TLN2: variants seen among roughly 807,000 people sequenced by gnomAD.
TLN2 encodes talin 2.
Under a neutral mutation model 294.7 loss-of-function variants are expected in TLN2, and 118 were observed. The observed-to-expected ratio is 0.40, with a 90% CI of 0.34 to 0.47. TLN2 has a LOEUF of 0.47. Ranked by LOEUF, TLN2 falls within the 20% of genes least tolerant of loss-of-function variation. The pLI is 0.84. For synonymous variants in TLN2, 1,431 were observed against 1,304.5 expected, an observed-to-expected ratio of 1.10 and a Z score of -2.09; for missense variants, 3,083 against 3,282.2, an observed-to-expected ratio of 0.94 and a Z score of 1.48.
rs138422612 is a variant in TLN2 at position 62,725,813 on chromosome 15, G to A, written c.3255+709G>A. ...ATCTGCCAGTTAGGAGCCAAACCAC[G>A]GTTTGAATTCAGATTTGCAGGACTC... On this transcript the variant is annotated intron_variant, in intron 27 of 58. Coordinates refer to ENST00000636159, the MANE Select transcript of TLN2 (RefSeq NM_015059.3). Among the ~76,000 whole-genome samples the A allele has an allele frequency of 2.4e-4, 36 of 152,268 alleles. 1 individual carries two copies. The East Asian group carries it at 6.8e-3, about 29-fold the overall frequency.
chr15:62,640,423 C>T (rs1308861806), intron 3 of TLN2: 4 of 450,144 alleles, frequency 8.9e-6, no homozygotes, highest in Middle Eastern at 5.9e-4. Context: ...CCTCCACGGC[C>T]CCATTGAGGT....
chr15:62,423,044 A>G (rs1595768132), intron 1 of TLN2, among the ~76,000 whole-genome samples: 2 of 152,292 alleles, frequency 1.3e-5, no homozygotes, highest in East Asian at 3.9e-4. Context: ...CAGGGGGAAG[A>G]GGTTATCCTG....
chr15:62,600,998 G>C (rs1241936575), intron 2 of TLN2, among the ~76,000 whole-genome samples: 3 of 152,112 alleles, frequency 2.0e-5, no homozygotes, highest in African/African-American at 7.2e-5. Flanking sequence ...ATCCAAATGA[G>C]ACTTATTCAT....
chr15:62,396,877 G>T (rs556712434), intron 1 of TLN2, among the ~76,000 whole-genome samples: 1 of 152,252 alleles, frequency 6.6e-6, no homozygotes, highest in African/African-American at 2.4e-5. Flanking sequence ...GCTAATTTTT[G>T]TGTTTTTAGT....
chr15:62,408,974 T>C (rs972324435), intron 1 of TLN2, among the ~76,000 whole-genome samples: 3 of 148,196 alleles, frequency 2.0e-5, no homozygotes, highest in Non-Finnish European at 3.0e-5. Context: ...TTTTTACTTA[T>C]TTATTTATTT....
chr15:62,788,615 A>T (rs1183079842), intron 45 of TLN2, among the ~76,000 whole-genome samples: 3 of 152,222 alleles, frequency 2.0e-5, no homozygotes, highest in Admixed American at 1.3e-4. Context: ...AAACTGCCCA[A>T]GACCACACAA....
rs755318500 is a variant in TLN2, at chr15:62,708,616, G to A, written c.2287G>A (p.Asp763Asn). Residue 763 changes from aspartate (D) to asparagine (N), a missense_variant, in exon 21 of 59, where the codon GAT becomes AAT. By Grantham distance (23) the Asp-to-Asn change is conservative. Coordinates refer to ENST00000636159, the MANE Select transcript of TLN2 (RefSeq NM_015059.3). ...CVRACQAATT[D>N]SELLKQVSAA... ...CCGTGCCTGCCAGGCGGCCACTACC[G>A]ATAGTGAGCTCCTGAAGCAGGTCAG... The A allele has an allele frequency of 7.4e-6, 12 of 1,614,102 alleles. No individual in the cohort carries two copies. In the South Asian group the frequency reaches 7.7e-5, roughly 10 times the overall value.
intron 1 of TLN2, among the ~76,000 whole-genome samples, chr15:62,566,125 A>T (rs903854501): frequency 2.8e-4 from 42 of 152,094 alleles, no homozygotes; most frequent in African/African-American, 9.2e-4. Context: ...CAAATGTTCC[A>T]TTAGACTAGG....
Position 62,766,651 on chromosome 15 carries a change from C to T in TLN2, c.5196+229C>T, listed in dbSNP as rs144019868. On this transcript the variant is annotated intron_variant, in intron 41 of 58. Transcript: ENST00000636159. ...CTAAGTTCAGAAGAAAACTTCAGTG[C>T]AGTTTTTCTGGTTGTGGCCAGAGAT... Among the ~76,000 whole-genome samples the T allele has an allele frequency of 3.3e-3, 496 of 152,270 alleles. 4 individuals are homozygous for T. The highest frequency in any genetic ancestry group is 0.011 in the African/African-American group (445 of 41,544).
intron 1 of TLN2, among the ~76,000 whole-genome samples, chr15:62,515,726 C>A (rs1370376273): frequency 7.3e-6 from 1 of 136,518 alleles, no homozygotes; most frequent in Non-Finnish European, 1.5e-5. Context: ...TGGTGTTTTT[C>A]ACACATCTGA....
Position 62,839,000 on chromosome 15 carries a change from A to T in TLN2, c.7500+19A>T, listed in dbSNP as rs745436986. 6 of 1,612,104 alleles carry T rather than the reference A, an allele frequency of 3.7e-6. No individual in the cohort carries two copies. The highest frequency in any genetic ancestry group is 5.1e-6 in the Non-Finnish European group (6 of 1,179,286). ...TGCTCAGGTTTGTAATTAAATCAAGAATAGTATTTACTTCCCGAGAGAGGT... is the reference window on the plus strand; with the variant it reads ...TGCTCAGGTTTGTAATTAAATCAAGTATAGTATTTACTTCCCGAGAGAGGT... On this transcript the variant is annotated intron_variant, in intron 58 of 58. Transcript: ENST00000636159.
At chr15:62,817,632 T>A (rs2067218205) in intron 52 of TLN2, among the ~76,000 whole-genome samples, 1 of 152,078 alleles carries the variant, frequency 6.6e-6, no homozygotes, top group African/African-American at 2.4e-5. Flanking sequence ...TTCTTTATAG[T>A]CATGGTGCAA....
intron 50 of TLN2, among the ~76,000 whole-genome samples, chr15:62,805,342 C>T (rs934784661): frequency 6.6e-6 from 1 of 151,774 alleles, no homozygotes; most frequent in Non-Finnish European, 1.5e-5. Context: ...TGCAGACCAA[C>T]AGGTTAACAC....
chr15:62,717,140 G>A (rs2059828696), intron 23 of TLN2, among the ~76,000 whole-genome samples: 1 of 152,104 alleles, frequency 6.6e-6, no homozygotes, highest in African/African-American at 2.4e-5. Flanking sequence ...GCCCTGGTTG[G>A]AAAGTCTCTG....
intron 1 of TLN2, among the ~76,000 whole-genome samples, chr15:62,436,844 T>C (rs1225384040): frequency 6.6e-6 from 1 of 152,246 alleles, no homozygotes; most frequent in East Asian, 1.9e-4. Flanking sequence ...CTTCCTTGGC[T>C]TCTGAGTAGC....
chr15:62,839,324 G>T (rs767170169), intron 58 of TLN2, among the ~76,000 whole-genome samples: 2 of 152,202 alleles, frequency 1.3e-5, no homozygotes, highest in Non-Finnish European at 2.9e-5. Flanking sequence ...CAACCCAGCT[G>T]CATGGGAGGC....
At chr15:62,823,284 G>A (rs2067738935) in intron 54 of TLN2, among the ~76,000 whole-genome samples, 1 of 152,034 alleles carries the variant, frequency 6.6e-6, no homozygotes, top group Admixed American at 6.5e-5. Flanking sequence ...TGCCTAATAG[G>A]GCACATTGCA....
chr15:62,664,857 C>CAAAAA lies in TLN2; in HGVS notation c.788+6976_788+6980dup, dbSNP rs10634187. ...CTGGGCAACAAGAGGGAAACTGTCT[C>CAAAAA]AAAAAAAAAAAAAAAAAAAAAGTGG... On this transcript the variant is annotated intron_variant, in intron 9 of 58. Coordinates refer to ENST00000636159, the MANE Select transcript of TLN2 (RefSeq NM_015059.3). Among the ~76,000 whole-genome samples, 16 of 29,232 alleles carry CAAAAA rather than the reference C, an allele frequency of 5.5e-4. 4 individuals are homozygous for CAAAAA. Among genetic ancestry groups the CAAAAA allele is most frequent in the East Asian group, 1.8e-3 (2 of 1,114 alleles). 19.2% of individuals were successfully genotyped at this position (29,232 alleles called of 152,430 possible).
chr15:62,822,472 G>GTCACTCATCTGA (rs2067655072), intron 54 of TLN2, among the ~76,000 whole-genome samples: 1 of 152,228 alleles, frequency 6.6e-6, no homozygotes, highest in African/African-American at 2.4e-5. Context: ...CTTTATGGGA[G>GTCACTCATCTGA]TCACTCATCT....
Sources: gnomAD v4.1 joint callset for allele counts (sites outside exome capture counted in the v4.1 genomes callset) on GRCh38, gnomAD v4.1.1 for gene constraint, MANE v1.5 for transcripts, NCBI Gene and HGNC (gene_info 2026-07-23, HGNC 2026-07-21) for gene names.